Variants in ZNF469 observed in about 807,000 individuals in gnomAD.
ZNF469 encodes the protein zinc finger protein 469.
A neutral mutation model predicts 1.0 loss-of-function variants in ZNF469; 1 was observed. The ratio of observed to expected loss-of-function variants is 1.00; its 90% CI spans 0.35 to 4.73. The LOEUF is 4.73. Ranked by LOEUF, ZNF469 falls within the 30% of genes most tolerant of loss-of-function variation. The pLI is 0.16. For synonymous variants in ZNF469, 2,703 were observed against 2,363.4 expected, an observed-to-expected ratio of 1.14 and a Z score of -4.17; for missense variants, 6,100 against 5,356.3, an observed-to-expected ratio of 1.14 and a Z score of -4.33.
At chr16:88,267,815 G>A in the ZNF469 span, among the ~76,000 whole-genome samples, 1 of 152,058 alleles carries the variant, frequency 6.6e-6, no homozygotes, top group African/African-American at 2.4e-5. Flanking sequence ...ATAATGCAGC[G>A]ATGAGTGTCC....
intron 2 of ZNF469, among the ~76,000 whole-genome samples, chr16:88,425,323 G>T (rs1167449196): frequency 6.6e-6 from 1 of 152,334 alleles, no homozygotes; most frequent in South Asian, 2.1e-4. Context: ...CTGGCCATGG[G>T]TAGGGGGGTC....
At chr16:88,242,521 A>G in the ZNF469 span, among the ~76,000 whole-genome samples, 2 of 152,148 alleles carry the variant, frequency 1.3e-5, no homozygotes. Context: ...AGATGACCTC[A>G]TGCTACCTGA....
At chr16:88,111,457 C>T in the ZNF469 span, among the ~76,000 whole-genome samples, 2 of 152,140 alleles carry the variant, frequency 1.3e-5, no homozygotes, top group Admixed American at 6.5e-5. Context: ...TGACTGTGCT[C>T]ACCCTGTTGT....
the ZNF469 span, among the ~76,000 whole-genome samples, chr16:88,241,866 T>G: frequency 2.8e-4 from 43 of 152,304 alleles, 1 homozygote; most frequent in African/African-American, 1.0e-3. This position sits in a 1 kb window ranked among gnomAD's most constrained non-coding sequence, Gnocchi z 4.8. Context: ...CCGTGGAGAC[T>G]CAGCCTGGAG....
At chr16:88,244,352 A>G in the ZNF469 span, among the ~76,000 whole-genome samples, 115 of 103,218 alleles carry the variant, frequency 1.1e-3, no homozygotes, top group African/African-American at 1.6e-3. Flanking sequence ...TGGATGGGTG[A>G]ATGGGTGGAT....
chr16:88,212,062 A>T, the ZNF469 span, among the ~76,000 whole-genome samples: 49 of 152,298 alleles, frequency 3.2e-4, no homozygotes, highest in African/African-American at 1.2e-3. Context: ...TGCTTTGTTT[A>T]TTCCTTGATG....
chr16:88,323,830 C>A, the ZNF469 span, among the ~76,000 whole-genome samples: 1 of 152,332 alleles, frequency 6.6e-6, no homozygotes, highest in South Asian at 2.1e-4. Context: ...TGCCCCCATC[C>A]CCCTGCAAAA....
At chr16:88,388,252 G>A (rs1172161910) in intron 1 of ZNF469, among the ~76,000 whole-genome samples, 1 of 152,234 alleles carries the variant, frequency 6.6e-6, no homozygotes, top group Non-Finnish European at 1.5e-5. Flanking sequence ...TGGCCGGTGG[G>A]CCAGAGCCAG....
chr16:88,402,387 C>T (rs949848796), intron 1 of ZNF469, among the ~76,000 whole-genome samples: 1 of 152,140 alleles, frequency 6.6e-6, no homozygotes, highest in African/African-American at 2.4e-5. Context: ...ATGCTGAGTG[C>T]TGTGGGTAGC....
chr16:88,386,925 G>C (rs548299492), intron 1 of ZNF469, among the ~76,000 whole-genome samples: 1 of 152,192 alleles, frequency 6.6e-6, no homozygotes, highest in African/African-American at 2.4e-5. Flanking sequence ...TGGTCATGGT[G>C]GGGGTGGCAG....
At chr16:88,376,159 C>T in the ZNF469 span, among the ~76,000 whole-genome samples, 7 of 152,382 alleles carry the variant, frequency 4.6e-5, no homozygotes, top group East Asian at 7.7e-4. Context: ...GTTGTCTGCA[C>T]GCCTTCGCCA....
At chr16:88,164,995 G>A in the ZNF469 span, among the ~76,000 whole-genome samples, 31 of 152,268 alleles carry the variant, frequency 2.0e-4, no homozygotes, top group African/African-American at 6.7e-4. Context: ...TCGTGGGCTC[G>A]TGTGTCTTTT....
chr16:88,188,405 C>G, the ZNF469 span, among the ~76,000 whole-genome samples: 1 of 152,216 alleles, frequency 6.6e-6, no homozygotes, highest in African/African-American at 2.4e-5. Flanking sequence ...GCCTGGACTG[C>G]TGCCTGGAGG....
At chr16:88,170,115 C>A in the ZNF469 span, among the ~76,000 whole-genome samples, 1 of 152,228 alleles carries the variant, frequency 6.6e-6, no homozygotes. This position sits in a 1 kb window ranked among gnomAD's most constrained non-coding sequence, Gnocchi z 4.2. Context: ...CTCTCAGCCT[C>A]GCTTCCTATC....
chr16:88,344,101 A>C, the ZNF469 span, among the ~76,000 whole-genome samples: 11 of 152,012 alleles, frequency 7.2e-5, no homozygotes, highest in Admixed American at 2.0e-4. Flanking sequence ...ACAGGGAGAG[A>C]CTCTACAAAA....
At chr16:88,313,201 A>G in the ZNF469 span, among the ~76,000 whole-genome samples, 1 of 152,170 alleles carries the variant, frequency 6.6e-6, no homozygotes, top group Admixed American at 6.5e-5. Context: ...TGTTGCTGTT[A>G]TAAATTTGAT....
chr16:88,229,175 T>C, the ZNF469 span, among the ~76,000 whole-genome samples: 2 of 152,088 alleles, frequency 1.3e-5, no homozygotes, highest in Non-Finnish European at 2.9e-5. Context: ...AGAGATAAAA[T>C]CGATGTAAAT....
chr16:88,241,900 C>T, the ZNF469 span, among the ~76,000 whole-genome samples: 28 of 152,186 alleles, frequency 1.8e-4, no homozygotes, highest in South Asian at 1.2e-3. The surrounding 1 kb of genome is among the most constrained non-coding windows in gnomAD (Gnocchi z 4.8). Context: ...GGGCTCCTCC[C>T]GGAGTTCTGG....
At chr16:88,243,240 T>C in the ZNF469 span, among the ~76,000 whole-genome samples, 1 of 152,140 alleles carries the variant, frequency 6.6e-6, no homozygotes, top group African/African-American at 2.4e-5. Context: ...GGTCCATTGG[T>C]CACCAGTGCT....
Sources: gnomAD v4.1 joint callset for allele counts (sites outside exome capture counted in the v4.1 genomes callset) on GRCh38, gnomAD v4.1.1 for gene constraint, Gnocchi (gnomAD v3.1) non-coding constraint, MANE v1.5 for transcripts, NCBI Gene and HGNC (gene_info 2026-07-23, HGNC 2026-07-21) for gene names.